NRG1: variants seen among roughly 807,000 people sequenced by gnomAD.
NRG1 encodes the protein pro-neuregulin-1, membrane-bound isoform.
In NRG1, 18 loss-of-function variants were observed where a neutral mutation model predicts 63.8. The ratio of observed to expected loss-of-function variants is 0.28; its 90% confidence interval spans 0.19 to 0.42. NRG1 has a LOEUF of 0.42. Among genes scored for constraint, NRG1 ranks in the 10% least tolerant of loss-of-function variants. The pLI is 1.00. For missense variants in NRG1, 762 were observed against 814.7 expected, an observed-to-expected ratio of 0.94 and a Z score of 0.79; for synonymous variants, 302 against 301.3, an observed-to-expected ratio of 1.00 and a Z score of -0.02.
At chr8:32,658,458 G>T (rs373789978) in intron 5 of NRG1, among the ~76,000 whole-genome samples, 1 of 152,082 alleles carries the variant, frequency 6.6e-6, no homozygotes, top group Non-Finnish European at 1.5e-5. Flanking sequence ...CTGTTATTTC[G>T]TTAGGACATA....
Position 32,548,519 on chromosome 8 carries a change from G to A in NRG1, c.-208G>A, listed in dbSNP as rs1468595536. Reference sequence around the variant, plus strand: ...AGCAGCCCCGAGAGCCAGGGCGAGCGCCCGTTCCAGGTGGCCGGACCGCCC... The same window carrying A: ...AGCAGCCCCGAGAGCCAGGGCGAGCACCCGTTCCAGGTGGCCGGACCGCCC... On this transcript the variant is annotated 5_prime_UTR_variant, in exon 1 of 12. Coordinates refer to ENST00000356819, the Ensembl canonical transcript of NRG1. 7 of 1,239,394 alleles carry A rather than the reference G, an allele frequency of 5.6e-6. No individual in the cohort carries two copies. In the East Asian group the frequency reaches 1.7e-4, roughly 31 times the overall value. The allele number at this position is 1,239,394 out of a possible 1,614,324, so 76.8% of individuals were successfully genotyped here.
chr8:32,370,586 A>T (rs1808680228), intron 1 of NRG1, among the ~76,000 whole-genome samples: 1 of 152,142 alleles, frequency 6.6e-6, no homozygotes, highest in Admixed American at 6.6e-5. Context: ...AGCCAGGCGC[A>T]GTGGCTCACG....
intron 1 of NRG1, among the ~76,000 whole-genome samples, chr8:31,802,200 A>G (rs927979438): frequency 1.3e-5 from 2 of 152,220 alleles, no homozygotes; most frequent in African/African-American, 2.4e-5. Flanking sequence ...CTTTTCGGAA[A>G]ATATTTTTAA....
At chr8:31,722,107 G>A (rs988328337) in intron 1 of NRG1, among the ~76,000 whole-genome samples, 1 of 152,068 alleles carries the variant, frequency 6.6e-6, no homozygotes, top group Non-Finnish European at 1.5e-5. Flanking sequence ...TCAGGTTGAA[G>A]TTCAAGCTCA....
chr8:32,648,206 T>G, intron 5 of NRG1: 1 of 1,614,086 alleles, frequency 6.2e-7, no homozygotes, highest in Non-Finnish European at 8.5e-7. Context: ...ACAAGGCTGT[T>G]GTCTCCTTTG....
chr8:32,376,218 T>C (rs562271721), intron 1 of NRG1, among the ~76,000 whole-genome samples: 2 of 152,356 alleles, frequency 1.3e-5, no homozygotes, highest in South Asian at 4.1e-4. Flanking sequence ...CATATTTGCC[T>C]ACAGGCTTCC....
intron 1 of NRG1, among the ~76,000 whole-genome samples, chr8:32,584,182 T>C (rs1418709032): frequency 6.6e-6 from 1 of 152,180 alleles, no homozygotes; most frequent in Non-Finnish European, 1.5e-5. Context: ...CTTGTAGTTA[T>C]AGTGGCCACA....
intron 1 of NRG1, among the ~76,000 whole-genome samples, chr8:31,827,441 A>G (rs1824680559): frequency 6.6e-6 from 1 of 152,098 alleles, no homozygotes; most frequent in African/African-American, 2.4e-5. Context: ...TTTCTCTACA[A>G]AGTAATGTGG....
chr8:32,404,386 GAC>G (rs374595089), intron 1 of NRG1, among the ~76,000 whole-genome samples: 13 of 152,194 alleles, frequency 8.5e-5, no homozygotes, highest in African/African-American at 3.1e-4. Flanking sequence ...GCTCCCTGAA[GAC>G]ACAGGCTATG....
chr8:32,508,697 C>T (rs1456175602), intron 1 of NRG1, among the ~76,000 whole-genome samples: 3 of 152,008 alleles, frequency 2.0e-5, no homozygotes, highest in Non-Finnish European at 4.4e-5. Flanking sequence ...ATTTTTTATA[C>T]TTGTATATAC....
At chr8:32,498,810 A>G (rs375450180) in intron 1 of NRG1, among the ~76,000 whole-genome samples, 15 of 152,224 alleles carry the variant, frequency 9.9e-5, no homozygotes, top group East Asian at 5.8e-4. Context: ...GAGGGCACCT[A>G]TCTCAAAGAG....
intron 1 of NRG1, among the ~76,000 whole-genome samples, chr8:32,204,897 A>G (rs927019351): frequency 1.3e-5 from 2 of 152,218 alleles, no homozygotes; most frequent in African/African-American, 4.8e-5. Context: ...AATGTGTTCA[A>G]AATCATATCT....
intron 1 of NRG1, among the ~76,000 whole-genome samples, chr8:31,926,104 A>T (rs1432822747): frequency 1.3e-5 from 2 of 152,222 alleles, no homozygotes; most frequent in Non-Finnish European, 2.9e-5. Flanking sequence ...ATTTAAGTAC[A>T]GATAGACCAG....
chr8:32,172,692 T>C (rs919988743), intron 1 of NRG1, among the ~76,000 whole-genome samples: 7 of 152,162 alleles, frequency 4.6e-5, no homozygotes, highest in African/African-American at 1.7e-4. Flanking sequence ...ACGTGATGAA[T>C]GCACAAGCCT....
At chr8:32,479,939 C>T (rs920529918) in intron 1 of NRG1, among the ~76,000 whole-genome samples, 17 of 152,130 alleles carry the variant, frequency 1.1e-4, no homozygotes, top group African/African-American at 3.6e-4. Context: ...TGAGCCACCA[C>T]GCCCAGCCCA....
At position 32,537,195 on chromosome 8, in the gene NRG1, C is replaced by CAAAAAAAAAAAAAAAA. The variant is rs71208193; in HGVS notation, c.38-58623_38-58608dup. On this transcript the variant is annotated intron_variant, in intron 1 of 10. Coordinates refer to the NRG1 transcript ENST00000519301. ...TCAGTGGCACAGTGAGACTCCATCT[C>CAAAAAAAAAAAAAAAA]AAAAAAAAAAAAAAAAAAAAAAAAA... Among the ~76,000 whole-genome samples the CAAAAAAAAAAAAAAAA allele has an allele frequency of 1.0e-3, 44 of 43,812 alleles. 3 individuals are homozygous for CAAAAAAAAAAAAAAAA. The highest frequency in any genetic ancestry group is 1.7e-3 in the Admixed American group (4 of 2,328). The allele number at this position is 43,812 out of a possible 152,430, so 28.7% of individuals were successfully genotyped here.
Position 32,531,456 on chromosome 8 carries a change from C to G in NRG1, c.38-64372C>G, listed in dbSNP as rs189532436. On this transcript the variant is annotated intron_variant, in intron 1 of 10. Transcript: ENST00000519301. ...TTAATTACTTTTAGAGGAAAGATTA[C>G]TCTGATAAAATGGTCAAGAAAAGCA... Among the ~76,000 whole-genome samples the G allele has an allele frequency of 6.4e-3, 980 of 152,010 alleles. 6 individuals carry two copies. The highest frequency in any genetic ancestry group is 0.022 in the African/African-American group (899 of 41,452).
chr8:31,717,191 G>A (rs1169263362), intron 1 of NRG1, among the ~76,000 whole-genome samples: 1 of 152,102 alleles, frequency 6.6e-6, no homozygotes, highest in African/African-American at 2.4e-5. Context: ...TGGATCACTT[G>A]AGGTCAGGAG....
At chr8:32,376,578 T>C (rs1050226143) in intron 1 of NRG1, among the ~76,000 whole-genome samples, 1 of 152,174 alleles carries the variant, frequency 6.6e-6, no homozygotes, top group Non-Finnish European at 1.5e-5. Flanking sequence ...GATGCTAAGC[T>C]GGAAAAATAT....
Sources: gnomAD v4.1 joint callset for allele counts (sites outside exome capture counted in the v4.1 genomes callset) on GRCh38, gnomAD v4.1.1 for gene constraint, MANE v1.5 for transcripts, NCBI Gene and HGNC (gene_info 2026-07-23, HGNC 2026-07-21) for gene names.